TCF12: variants seen among roughly 807,000 people sequenced by gnomAD.
The protein encoded by TCF12 is transcription factor 12.
Under a neutral mutation model 86.0 loss-of-function variants are expected in TCF12, and 45 were observed. The observed-to-expected ratio is 0.52, with a 90% CI of 0.41 to 0.67. The LOEUF is 0.67. Ranked by LOEUF, TCF12 falls within the 30% of genes least tolerant of loss-of-function variation. TCF12 has a pLI of 0.00. For synonymous variants in TCF12, 330 were observed against 299.6 expected (o/e 1.10, Z -1.05); for missense variants, 881 against 859.9 (o/e 1.02, Z -0.31).
intron 3 of TCF12, among the ~76,000 whole-genome samples, chr15:57,058,553 A>G (rs757747943): frequency 2.0e-5 from 3 of 152,278 alleles, no homozygotes; most frequent in Non-Finnish European, 2.9e-5. Context: ...GATTCCTTCT[A>G]ATCTTTCCAC....
At chr15:57,197,727 T>C in intron 7 of TCF12, 46 bp from the exon 8 acceptor site, 1 of 1,592,392 alleles carries the variant, frequency 6.3e-7, no homozygotes, top group South Asian at 1.2e-5. Flanking sequence ...TCTTGATTTT[T>C]TTCTGGTATA....
chr15:57,068,827 C>G (rs573836473), intron 4 of TCF12, among the ~76,000 whole-genome samples: 1 of 152,122 alleles, frequency 6.6e-6, no homozygotes, highest in East Asian at 1.9e-4. Context: ...TTTCTGGTCT[C>G]TAAAATTATG....
chr15:57,221,199 T>C (rs1168373216), intron 8 of TCF12, among the ~76,000 whole-genome samples: 1 of 152,180 alleles, frequency 6.6e-6, no homozygotes, highest in South Asian at 2.1e-4. Flanking sequence ...AAAAAGTGTA[T>C]GTTCAAGCTG....
intron 3 of TCF12, among the ~76,000 whole-genome samples, chr15:56,923,571 CTAAT>C (rs2059884573): frequency 6.6e-6 from 1 of 152,062 alleles, no homozygotes. Flanking sequence ...GTCAGGCACT[CTAAT>C]TAGGGCAGTG....
intron 3 of TCF12, among the ~76,000 whole-genome samples, chr15:56,976,224 C>CTTTTTTT (rs35959497): frequency 1.6e-4 from 9 of 57,376 alleles, no homozygotes; most frequent in Admixed American, 2.6e-4. Flanking sequence ...AAGGAAGTTT[C>CTTTTTTT]TTTTTTTTTT....
Position 57,262,122 on chromosome 15 carries a change from G to A in TCF12, c.1496G>A (p.Ser499Asn), listed in dbSNP as rs1425168944. 1.2e-6 allele frequency: 2 copies of A among 1,613,408 alleles called. No individual in the cohort carries two copies. The highest frequency in any genetic ancestry group is 3.3e-5 in the Admixed American group (2 of 59,958). ...GGAACTCATCGGGAAGACTCTGTCA[G>A]TCTCAATGGCAATCATTCAGTCCTG... is the stretch of plus-strand genomic sequence containing the variant. ...MVGTHREDSV[S>N]LNGNHSVLSS... is the part of the protein sequence containing the mutation. Residue 499 changes from serine (S) to asparagine (N), a missense_variant, in exon 17 of 21, where the codon AGT (serine) becomes AAT (asparagine). Around this residue, in one of 3 missense-constraint regions of TCF12, gnomAD observed 766 missense variants for 718.9 expected, o/e 1.07. Coordinates refer to ENST00000333725, the MANE Select transcript of TCF12 (RefSeq NM_207037.2).
intron 3 of TCF12, among the ~76,000 whole-genome samples, chr15:57,045,245 A>G (rs959513729): frequency 6.6e-6 from 1 of 152,212 alleles, no homozygotes; most frequent in Non-Finnish European, 1.5e-5. Flanking sequence ...AACTGGGGCA[A>G]AAAAGTGTGT....
intron 8 of TCF12, among the ~76,000 whole-genome samples, chr15:57,211,120 T>G (rs1364149338): frequency 6.6e-6 from 1 of 152,274 alleles, no homozygotes; most frequent in Non-Finnish European, 1.5e-5. Flanking sequence ...ATGAAATATC[T>G]GACTTGTAGA....
intron 5 of TCF12, among the ~76,000 whole-genome samples, chr15:57,110,893 A>G (rs1381265071): frequency 1.3e-5 from 2 of 152,148 alleles, no homozygotes; most frequent in Non-Finnish European, 2.9e-5. Flanking sequence ...TTATGCAAAA[A>G]GGGGGGAAAA....
At position 57,231,195 on chromosome 15, in the gene TCF12, C is replaced by T; in HGVS notation, c.623C>T (p.Ser208Phe). ...AATTCAGATGATTTCAACCGTGAAT[C>T]TCCTAGTTATCCATCTCCTAAGCCA... ...SPNSDDFNRE[S>F]PSYPSPKPPT... The change falls in exon 9 of 21, where the codon TCT becomes TTT. Residue 208 changes from serine to phenylalanine, a missense_variant. By Grantham distance (155) the Ser-to-Phe change is radical. Transcript: ENST00000333725. The T allele has an allele frequency of 6.2e-7, 1 of 1,613,218 alleles. No individual in the cohort carries two copies. Among genetic ancestry groups the T allele is most frequent in the South Asian group, 1.1e-5 (1 of 91,064 alleles).
intron 13 of TCF12, among the ~76,000 whole-genome samples, chr15:57,249,410 T>C (rs1268331477): frequency 1.3e-5 from 1 of 76,910 alleles, no homozygotes; most frequent in Non-Finnish European, 3.1e-5. Flanking sequence ...AATTTGCTCA[T>C]AAGTAAAAAA....
chr15:57,041,351 C>G (rs1248218081), intron 3 of TCF12, among the ~76,000 whole-genome samples: 3 of 152,128 alleles, frequency 2.0e-5, no homozygotes, highest in Admixed American at 2.0e-4. Flanking sequence ...ATAGTTCTTT[C>G]TCTTATTTAT....
intron 7 of TCF12, 123 bp from the exon 8 acceptor site, chr15:57,197,650 C>A: frequency 2.9e-6 from 3 of 1,021,944 alleles, no homozygotes; most frequent in Non-Finnish European, 2.9e-6. Flanking sequence ...CTGTATTTTG[C>A]TGCTTACTCC....
Position 57,264,822 on chromosome 15 carries a change from C to T in TCF12, c.1745+1548C>T, listed in dbSNP as rs192047726. On this transcript the variant is annotated intron_variant, in intron 18 of 20. Transcript: ENST00000333725. ...TTGGCTCATTGCAACCTCTGCCTCC[C>T]GGGTTCAAGCAGTTCTCTTGCCTCA... Among the ~76,000 whole-genome samples, 98 of 152,194 alleles carry T rather than the reference C, an allele frequency of 6.4e-4. 1 individual carries two copies. Among genetic ancestry groups the T allele is most frequent in the Admixed American group, 5.6e-3 (85 of 15,294 alleles).
At chr15:57,225,185 T>G (rs762696467) in intron 8 of TCF12, among the ~76,000 whole-genome samples, 7 of 149,988 alleles carry the variant, frequency 4.7e-5, no homozygotes, top group Admixed American at 2.0e-4. Flanking sequence ...GTTTCAGAAA[T>G]TTTTAAATGT....
chr15:57,007,752 TTCC>T (rs1275842471), intron 3 of TCF12, among the ~76,000 whole-genome samples: 125 of 116,942 alleles, frequency 1.1e-3, no homozygotes, highest in Non-Finnish European at 1.7e-3. Flanking sequence ...ACAAATATTT[TTCC>T]TTCTTTCTTT....
At chr15:57,203,799 G>A (rs760019586) in intron 8 of TCF12, among the ~76,000 whole-genome samples, 19 of 152,248 alleles carry the variant, frequency 1.2e-4, no homozygotes, top group Non-Finnish European at 2.2e-4. Context: ...AAGGCAGGAG[G>A]ATCACTTGAG....
At chr15:56,970,599 A>G (rs1488953120) in intron 3 of TCF12, among the ~76,000 whole-genome samples, 1 of 152,088 alleles carries the variant, frequency 6.6e-6, no homozygotes, top group East Asian at 1.9e-4. Flanking sequence ...ATATGGATGA[A>G]TTCTTCTGCA....
intron 5 of TCF12, among the ~76,000 whole-genome samples, chr15:57,120,601 T>G (rs899293545): frequency 6.6e-6 from 1 of 152,238 alleles, no homozygotes; most frequent in Non-Finnish European, 1.5e-5. Context: ...TAAAATTTTA[T>G]CAGCATATTT....
Sources: gnomAD v4.1 joint callset for allele counts (sites outside exome capture counted in the v4.1 genomes callset) on GRCh38, gnomAD v4.1.1 for gene constraint, gnomAD v4.1.1 regional missense constraint, MANE v1.5 for transcripts, NCBI Gene and HGNC (gene_info 2026-07-23, HGNC 2026-07-21) for gene names.